Variants in ZDHHC21 observed in about 807,000 individuals in gnomAD.
ZDHHC21 encodes the protein palmitoyltransferase ZDHHC21.
ZDHHC21 carries 15 observed loss-of-function variants against 34.6 expected under a neutral mutation model. The ratio of observed to expected loss-of-function variants is 0.43; its 90% CI spans 0.29 to 0.67. The LOEUF (loss-of-function observed/expected upper bound fraction) is 0.67. ZDHHC21 is among the 30% of genes least tolerant of loss of function. The pLI is 0.14. For synonymous variants in ZDHHC21, 142 were observed against 101.8 expected (o/e 1.40, Z -2.38); for missense variants, 344 against 327.7 (o/e 1.05, Z -0.38).
intron 1 of ZDHHC21, among the ~76,000 whole-genome samples, chr9:14,692,415 A>G (rs1400821701): frequency 2.0e-5 from 3 of 152,344 alleles, no homozygotes; most frequent in Admixed American, 6.5e-5. Context: ...ACTTTACAAT[A>G]TAATTTATGA....
At chr9:14,642,327 TTCTG>T (rs771291048) in intron 7 of ZDHHC21, among the ~76,000 whole-genome samples, 93 of 152,316 alleles carry the variant, frequency 6.1e-4, no homozygotes, top group Non-Finnish European at 1.0e-3. Context: ...ACATCTTTAC[TTCTG>T]TCTTAGATTT....
chr9:14,665,242 G>T (rs930155086), intron 5 of ZDHHC21, among the ~76,000 whole-genome samples: 1 of 133,228 alleles, frequency 7.5e-6, no homozygotes, highest in African/African-American at 2.9e-5. Context: ...GGAAGAAAGG[G>T]TATCAGCAAT....
At chr9:14,591,916 TTTC>T in the ZDHHC21 span, among the ~76,000 whole-genome samples, 1 of 152,142 alleles carries the variant, frequency 6.6e-6, no homozygotes, top group Non-Finnish European at 1.5e-5. Flanking sequence ...GTTTTTTAAT[TTTC>T]TTATTTTCAA....
chr9:14,636,986 C>T (rs1828417039), intron 8 of ZDHHC21, among the ~76,000 whole-genome samples: 1 of 151,776 alleles, frequency 6.6e-6, no homozygotes, highest in East Asian at 1.9e-4. Context: ...AATGATGCAC[C>T]TCAAGGAACC....
the ZDHHC21 span, among the ~76,000 whole-genome samples, chr9:14,602,828 C>A: frequency 1.4e-5 from 2 of 147,690 alleles, no homozygotes; most frequent in Non-Finnish European, 3.0e-5. Context: ...GAGGCTGAGG[C>A]AGAAGGCCTG....
chr9:14,667,694 A>G (rs1362927933), intron 5 of ZDHHC21, among the ~76,000 whole-genome samples: 4 of 88,446 alleles, frequency 4.5e-5, no homozygotes, highest in African/African-American at 1.9e-4. Flanking sequence ...GGCTGGTTCA[A>G]TATATGCAAA....
intron 8 of ZDHHC21, among the ~76,000 whole-genome samples, chr9:14,623,659 A>G (rs1018048759): frequency 1.7e-4 from 26 of 151,106 alleles, no homozygotes; most frequent in South Asian, 8.4e-4. Flanking sequence ...AAAAAAAAAA[A>G]AGAGAGAGAA....
At chr9:14,640,996 A>C (rs527624193) in intron 7 of ZDHHC21, among the ~76,000 whole-genome samples, 6 of 152,340 alleles carry the variant, frequency 3.9e-5, no homozygotes, top group East Asian at 3.9e-4. Context: ...GGAATAAAAC[A>C]ACCACAGAAA....
intron 6 of ZDHHC21, among the ~76,000 whole-genome samples, chr9:14,659,895 T>C (rs1833028935): frequency 6.6e-6 from 1 of 152,166 alleles, no homozygotes; most frequent in South Asian, 2.1e-4. Context: ...CACTCAAAAG[T>C]GCTCTTCAAC....
At chr9:14,656,081 A>G (rs1386600711) in intron 7 of ZDHHC21, among the ~76,000 whole-genome samples, 2 of 151,876 alleles carry the variant, frequency 1.3e-5, no homozygotes, top group Admixed American at 6.6e-5. Flanking sequence ...CAATCCACCA[A>G]AAAGGTATAA....
At chr9:14,629,065 T>A (rs1204566807) in intron 8 of ZDHHC21, among the ~76,000 whole-genome samples, 1 of 152,186 alleles carries the variant, frequency 6.6e-6, no homozygotes, top group Non-Finnish European at 1.5e-5. Context: ...CAAGAGAAAG[T>A]AAAGTGACTA....
intron 3 of ZDHHC21, among the ~76,000 whole-genome samples, chr9:14,676,409 C>A (rs1425505372): frequency 1.3e-5 from 2 of 151,666 alleles, no homozygotes; most frequent in Non-Finnish European, 2.9e-5. Flanking sequence ...TATAAAGCTA[C>A]TGAAACAAAG....
intron 8 of ZDHHC21, among the ~76,000 whole-genome samples, chr9:14,627,675 G>A (rs1826521958): frequency 6.6e-6 from 1 of 152,132 alleles, no homozygotes; most frequent in Non-Finnish European, 1.5e-5. Flanking sequence ...TGTCAGAGCA[G>A]TGTCATGGTA....
At chr9:14,609,831 G>C (rs923174140), downstream of ZDHHC21, among the ~76,000 whole-genome samples, 2 of 152,032 alleles carry the variant, frequency 1.3e-5, no homozygotes, top group Non-Finnish European at 2.9e-5. Context: ...TGTAGTACCA[G>C]AGGAAAATAT....
intron 7 of ZDHHC21, among the ~76,000 whole-genome samples, chr9:14,651,931 G>C (rs898467204): frequency 6.6e-6 from 1 of 151,784 alleles, no homozygotes; most frequent in African/African-American, 2.4e-5. Context: ...ACAGGTTTTA[G>C]AACCTAGACA....
At chr9:14,632,431 A>G (rs1262383720) in intron 8 of ZDHHC21, among the ~76,000 whole-genome samples, 1 of 152,090 alleles carries the variant, frequency 6.6e-6, no homozygotes, top group Non-Finnish European at 1.5e-5. Flanking sequence ...ACTTCACACA[A>G]TGTACAAAAA....
At chr9:14,626,742 A>C (rs1826299371) in intron 8 of ZDHHC21, among the ~76,000 whole-genome samples, 1 of 151,966 alleles carries the variant, frequency 6.6e-6, no homozygotes. Context: ...TTATAAACTT[A>C]TCATATACAA....
At chr9:14,678,684 C>G (rs1220493423) in intron 3 of ZDHHC21, among the ~76,000 whole-genome samples, 1 of 151,918 alleles carries the variant, frequency 6.6e-6, no homozygotes, top group African/African-American at 2.4e-5. Context: ...AAAAAGTACT[C>G]CTGAGACTGT....
rs1824652303 is a variant in ZDHHC21, at chr9:14,618,354, T to TGGG, written c.*611_*612insCCC. 6.5e-6 allele frequency: 1 copy of TGGG among 152,684 alleles called. No homozygotes were observed. Among genetic ancestry groups the TGGG allele is most frequent in the East Asian group, 1.9e-4 (1 of 5,162 alleles). The allele number at this position is 152,684 out of a possible 1,614,324, so 9.5% of individuals were successfully genotyped here. ...TTTTACTTCAGTGGTACTTTCATGTTGGTTTTGGTGAAGAAAAAAGAAGAA... is the reference window on the plus strand; with the variant it reads ...TTTTACTTCAGTGGTACTTTCATGTTGGGGGTTTTGGTGAAGAAAAAAGAAGAA... On this transcript the variant is annotated 3_prime_UTR_variant, in exon 10 of 10. Coordinates refer to ENST00000380916, the MANE Select transcript of ZDHHC21 (RefSeq NM_178566.6).
Sources: allele counts gnomAD v4.1 joint callset (sites outside exome capture counted in the v4.1 genomes callset), GRCh38; gene constraint gnomAD v4.1.1; transcripts MANE v1.5; gene names NCBI Gene and HGNC (gene_info 2026-07-23, HGNC 2026-07-21).